GALNT13: variants seen among roughly 807,000 people sequenced by gnomAD.
GALNT13 encodes UDP-GalNAc:polypeptide N-acetylgalactosaminyltransferase 13.
Under a neutral mutation model 64.2 loss-of-function variants are expected in GALNT13, and 28 were observed. The ratio of observed to expected loss-of-function variants is 0.44; its 90% CI spans 0.32 to 0.60. The LOEUF (loss-of-function observed/expected upper bound fraction) is 0.60. Among genes scored for constraint, GALNT13 ranks in the 20% least tolerant of loss-of-function variants. The probability of loss-of-function intolerance (pLI) is 0.05; values close to 1 mark genes in which losing one functional copy is unlikely to be tolerated. For missense variants in GALNT13, 577 were observed against 669.8 expected, an observed-to-expected ratio of 0.86 and a Z score of 1.53; for synonymous variants, 214 against 224.6, an observed-to-expected ratio of 0.95 and a Z score of 0.42.
At chr2:153,255,770 T>C in the GALNT13 span, among the ~76,000 whole-genome samples, 1 of 152,212 alleles carries the variant, frequency 6.6e-6, no homozygotes, top group African/African-American at 2.4e-5. Flanking sequence ...AAAATTCTTT[T>C]CTTTAAGAAT....
the GALNT13 span, among the ~76,000 whole-genome samples, chr2:153,678,556 T>C: frequency 5.3e-5 from 8 of 151,782 alleles, no homozygotes; most frequent in Non-Finnish European, 1.0e-4. Context: ...AGGGTGAGGA[T>C]TGAAAAACTG....
the GALNT13 span, among the ~76,000 whole-genome samples, chr2:153,498,917 C>T: frequency 6.6e-6 from 1 of 151,934 alleles, no homozygotes; most frequent in East Asian, 1.9e-4. Flanking sequence ...GCGCGATCTC[C>T]GCTCACTGCA....
chr2:153,712,465 A>G, the GALNT13 span, among the ~76,000 whole-genome samples: 64 of 152,318 alleles, frequency 4.2e-4, no homozygotes, highest in African/African-American at 1.5e-3. Context: ...TCTGCAAGAA[A>G]GAAGAACCTC....
intron 3 of GALNT13, among the ~76,000 whole-genome samples, chr2:153,979,780 C>A (rs1348113603): frequency 2.0e-5 from 3 of 152,142 alleles, no homozygotes; most frequent in Non-Finnish European, 4.4e-5. Context: ...GATTCAGCAT[C>A]TACGTGAGGC....
the GALNT13 span, among the ~76,000 whole-genome samples, chr2:153,518,853 A>G: frequency 1.3e-5 from 2 of 152,118 alleles, no homozygotes; most frequent in African/African-American, 2.4e-5. Flanking sequence ...TGAGAGCTCT[A>G]CTGAAAAGGC....
At chr2:154,438,049 G>A (rs917711659) in intron 11 of GALNT13, among the ~76,000 whole-genome samples, 1 of 152,020 alleles carries the variant, frequency 6.6e-6, no homozygotes, top group African/African-American at 2.4e-5. Context: ...CCATATTAGA[G>A]AGATAAGTGT....
chr2:153,169,687 G>A, the GALNT13 span, among the ~76,000 whole-genome samples: 28 of 152,160 alleles, frequency 1.8e-4, no homozygotes, highest in African/African-American at 6.3e-4. Flanking sequence ...CTCCCAAGAG[G>A]AAGACACTAT....
chr2:153,851,489 C>A, the GALNT13 span, among the ~76,000 whole-genome samples: 1 of 151,798 alleles, frequency 6.6e-6, no homozygotes, highest in Non-Finnish European at 1.5e-5. Context: ...TGACTTGAGG[C>A]CAGGAGTTCC....
chr2:154,210,896 A>C lies in GALNT13; in HGVS notation c.312-31134A>C, dbSNP rs190694766. ...GATTTGATAGTTGGGAGGTGGACGC[A>C]ATGTTAGAAATGACTCTTAGGTGTC... On this transcript the variant is annotated intron_variant, in intron 4 of 12. Coordinates refer to ENST00000392825, the MANE Select transcript of GALNT13 (RefSeq NM_052917.4). Among the ~76,000 whole-genome samples the C allele has an allele frequency of 7.9e-4, 121 of 152,294 alleles. 1 individual carries two copies. The highest frequency in any genetic ancestry group is 1.5e-3 in the Non-Finnish European group (100 of 68,020).
intron 9 of GALNT13, among the ~76,000 whole-genome samples, chr2:154,389,167 G>A (rs1029080623): frequency 9.9e-5 from 15 of 152,048 alleles, no homozygotes; most frequent in East Asian, 3.9e-4. Flanking sequence ...ATGTGGTCTC[G>A]CTCTGTCACC....
chr2:154,398,863 G>GGAAA (rs1358046274), intron 10 of GALNT13, among the ~76,000 whole-genome samples: 4 of 152,162 alleles, frequency 2.6e-5, no homozygotes, highest in African/African-American at 9.7e-5. Context: ...TATGCCAACA[G>GGAAA]TTATTCTAGG....
chr2:153,421,575 C>T, the GALNT13 span: 1 of 236,962 alleles, frequency 4.2e-6, no homozygotes, highest in Non-Finnish European at 9.6e-6. Context: ...ACCGAGAAGC[C>T]CTGAAGACCT....
the GALNT13 span, among the ~76,000 whole-genome samples, chr2:153,806,185 T>G: frequency 4.6e-5 from 7 of 152,096 alleles, no homozygotes; most frequent in East Asian, 1.3e-3. Flanking sequence ...CTAAAACATC[T>G]TGTTATACCA....
At chr2:153,228,240 T>C in the GALNT13 span, among the ~76,000 whole-genome samples, 13 of 152,132 alleles carry the variant, frequency 8.5e-5, no homozygotes, top group African/African-American at 2.9e-4. Flanking sequence ...ACACTCAGGG[T>C]TGTAGTTCCA....
At chr2:153,806,409 G>A in the GALNT13 span, among the ~76,000 whole-genome samples, 1 of 151,936 alleles carries the variant, frequency 6.6e-6, no homozygotes, top group Admixed American at 6.6e-5. Context: ...ATACTACTGG[G>A]TGAATAAATA....
chr2:154,456,150 T>G (rs1260034563), downstream of GALNT13, among the ~76,000 whole-genome samples: 5 of 60 alleles, frequency 0.083, no homozygotes, highest in East Asian at 0.5. Context: ...CTTTTTTTGT[T>G]TTTTTTTTTT....
chr2:153,170,837 A>C, the GALNT13 span, among the ~76,000 whole-genome samples: 10 of 152,342 alleles, frequency 6.6e-5, no homozygotes, highest in East Asian at 1.3e-3. Flanking sequence ...ATCTCCATGT[A>C]TATGATTTTC....
At chr2:153,092,711 A>G in the GALNT13 span, among the ~76,000 whole-genome samples, 3 of 152,158 alleles carry the variant, frequency 2.0e-5, no homozygotes, top group African/African-American at 4.8e-5. Flanking sequence ...CTGAATTTGT[A>G]TATCAGTTCT....
the GALNT13 span, among the ~76,000 whole-genome samples, chr2:153,560,518 G>A: frequency 1.3e-5 from 2 of 151,830 alleles, no homozygotes; most frequent in African/African-American, 4.8e-5. Context: ...GTACATGATA[G>A]AAAGAATGTA....
Sources: allele counts gnomAD v4.1 joint callset (sites outside exome capture counted in the v4.1 genomes callset), GRCh38; gene constraint gnomAD v4.1.1; transcripts MANE v1.5; gene names NCBI Gene and HGNC (gene_info 2026-07-23, HGNC 2026-07-21).